GALNT16: variants seen among roughly 807,000 people sequenced by gnomAD.
GALNT16 encodes UDP-GalNAc:polypeptide N-acetylgalactosaminyltransferase-like protein 1.
A neutral mutation model predicts 76.1 loss-of-function variants in GALNT16; 40 were observed. The observed-to-expected ratio is 0.53, with a 90% CI of 0.41 to 0.68. GALNT16 has a LOEUF of 0.68. Ranked by LOEUF, GALNT16 falls within the 30% of genes least tolerant of loss-of-function variation. The probability of loss-of-function intolerance (pLI) is 0.00; values close to 1 mark genes in which losing one functional copy is unlikely to be tolerated. For missense variants in GALNT16, 621 were observed against 731.9 expected (o/e 0.85, Z 1.75); for synonymous variants, 276 against 285.2 (o/e 0.97, Z 0.32).
intron 6 of GALNT16, 27 bp downstream of exon 6, chr14:69,328,598 G>A (rs1240434584): frequency 1.2e-6 from 2 of 1,604,012 alleles, no homozygotes; most frequent in African/African-American, 2.7e-5. Context: ...GGGGAGCTGG[G>A]CGTCCTTGGG....
In GALNT16 at chr14:69,352,046, G is replaced by A. The variant is rs1375470856; in HGVS notation, c.1555G>A (p.Gly519Arg). The A allele has an allele frequency of 2.9e-5, 47 of 1,612,884 alleles. No homozygotes were observed. The highest frequency in any genetic ancestry group is 3.8e-5 in the Non-Finnish European group (45 of 1,179,320). The change falls in exon 15 of 15, where the codon GGA becomes AGA. Residue 519 changes from glycine (G) to arginine (R), a missense_variant. Gly to Arg is a moderately radical substitution (Grantham distance 125). Transcript: ENST00000448469. ...REGKQKWRRK[G>R]SFIQHSVSGL... ...TTCCTCCTAGAAATGGAGGAGAAAA[G>A]GATCTTTCATCCAGCATTCAGTCAG...
intron 1 of GALNT16, among the ~76,000 whole-genome samples, chr14:69,283,699 C>T (rs965955114): frequency 6.6e-6 from 1 of 152,188 alleles, no homozygotes; most frequent in African/African-American, 2.4e-5. Context: ...CTCATACCTA[C>T]ATCACAGGGT....
intron 1 of GALNT16, among the ~76,000 whole-genome samples, chr14:69,281,787 T>A (rs573064251): frequency 5.9e-5 from 9 of 152,264 alleles, no homozygotes; most frequent in African/African-American, 2.2e-4. Flanking sequence ...CAAGCCTGTA[T>A]TGAAGAACCC....
chr14:69,384,137 C>G, the GALNT16 span, among the ~76,000 whole-genome samples: 1 of 152,126 alleles, frequency 6.6e-6, no homozygotes. Flanking sequence ...TTAAATCTCC[C>G]TTGAAATTTA....
chr14:69,291,692 A>G, intron 1 of GALNT16, among the ~76,000 whole-genome samples: 1 of 152,234 alleles, frequency 6.6e-6, no homozygotes, highest in East Asian at 1.9e-4. Context: ...GCTCAAGGTC[A>G]TGTGGAACAG....
downstream of GALNT16, chr14:69,356,936 T>A (rs914681465): frequency 6.6e-6 from 1 of 152,188 alleles, no homozygotes. Flanking sequence ...CGTAAAGGAT[T>A]TTTTTGTGAA....
chr14:69,284,323 C>T lies in GALNT16; in HGVS notation c.177+23856C>T, dbSNP rs117844923. 8.0e-4 allele frequency among the ~76,000 whole-genome samples: 122 copies of T among 152,336 alleles called. 1 individual carries two copies. The East Asian group carries it at 0.022, about 27-fold the overall frequency. On this transcript the variant is annotated intron_variant, in intron 1 of 14. Transcript: ENST00000448469. ...AGCAAGGAGAGAGAGATCAATGCAC[C>T]TGTCTCAGGAGCTGCACACAGATAG...
At chr14:69,375,400 A>G in the GALNT16 span, among the ~76,000 whole-genome samples, 5 of 152,206 alleles carry the variant, frequency 3.3e-5, no homozygotes, top group Non-Finnish European at 5.9e-5. Context: ...TAATGAAATT[A>G]TTAATGACTG....
At chr14:69,351,982 A>T (rs1315190146) in intron 14 of GALNT16, 49 bp from the exon 15 acceptor site, 1 of 1,533,862 alleles carries the variant, frequency 6.5e-7, no homozygotes, top group African/African-American at 1.4e-5. Flanking sequence ...TTATTTTTTT[A>T]AATCATTGTT....
rs8016546 is a variant in GALNT16, at chr14:69,353,697, G to A, written c.*1529G>A. 0.12 allele frequency: 18,842 copies of A among 152,140 alleles called. 1,382 individuals are homozygous for A. The highest frequency in any genetic ancestry group is 0.26 in the Middle Eastern group (76 of 294). The allele number at this position is 152,140 out of a possible 1,614,324, so 9.4% of individuals were successfully genotyped here. On this transcript the variant is annotated 3_prime_UTR_variant, in exon 15 of 15. Coordinates refer to ENST00000448469, the MANE Select transcript of GALNT16 (RefSeq NM_001168368.2). ...CTCTTGAAATTGTCCCTAAAATACT[G>A]CATGTGTGTGCATACATGCATTTTC... is the stretch of plus-strand genomic sequence containing the variant.
chr14:69,308,533 T>G (rs2044972214), intron 1 of GALNT16, among the ~76,000 whole-genome samples: 1 of 152,262 alleles, frequency 6.6e-6, no homozygotes. Flanking sequence ...TAAAGTATAC[T>G]TTAATTAATC....
intron 7 of GALNT16, among the ~76,000 whole-genome samples, chr14:69,332,333 C>A (rs1358176866): frequency 6.6e-6 from 1 of 151,892 alleles, no homozygotes; most frequent in Admixed American, 6.6e-5. Flanking sequence ...ATAATAGTCA[C>A]CTTTGGTTAC....
Position 69,320,705 on chromosome 14 carries a change from T to C in GALNT16, c.178-6T>C. Reference sequence around the variant, plus strand: ...TGGTCCTCTCTGATGCTGACCTTCATCTCAGGTGACAGGAACTCCCTCGAA... The same window carrying C: ...TGGTCCTCTCTGATGCTGACCTTCACCTCAGGTGACAGGAACTCCCTCGAA... On this transcript the variant is annotated splice_polypyrimidine_tract_variant and splice_region_variant and intron_variant, in intron 1 of 14. Transcript: ENST00000448469. 1 of 1,613,180 alleles carries C rather than the reference T, an allele frequency of 6.2e-7. No homozygotes were observed. The highest frequency in any genetic ancestry group is 8.5e-7 in the Non-Finnish European group (1 of 1,179,482).
At chr14:69,325,225 G>A (rs1232581991) in intron 3 of GALNT16, 112 bp from the exon 4 acceptor site, 2 of 754,518 alleles carry the variant, frequency 2.7e-6, no homozygotes, top group Non-Finnish European at 4.9e-6. Flanking sequence ...GGAGCGCCCA[G>A]CATGCTGGCC....
chr14:69,293,776 T>C (rs953700405), intron 1 of GALNT16, among the ~76,000 whole-genome samples: 1 of 152,184 alleles, frequency 6.6e-6, no homozygotes, highest in African/African-American at 2.4e-5. Flanking sequence ...TGCCTGGCTT[T>C]ATAGTAAGCA....
At chr14:69,340,570 C>T (rs2045473511) in intron 11 of GALNT16, among the ~76,000 whole-genome samples, 1 of 151,898 alleles carries the variant, frequency 6.6e-6, no homozygotes, top group Non-Finnish European at 1.5e-5. Context: ...CTGCAACCTC[C>T]ATCTCCTGGG....
At chr14:69,327,659 C>T (rs1231728305) in intron 5 of GALNT16, among the ~76,000 whole-genome samples, 1 of 152,204 alleles carries the variant, frequency 6.6e-6, no homozygotes, top group Non-Finnish European at 1.5e-5. Flanking sequence ...AGGGAAATGT[C>T]TCCAAGGAGC....
At chr14:69,385,938 C>T in the GALNT16 span, among the ~76,000 whole-genome samples, 1 of 152,232 alleles carries the variant, frequency 6.6e-6, no homozygotes, top group Non-Finnish European at 1.5e-5. Flanking sequence ...CATTCCTCTG[C>T]AGCCTCAAAG....
At chr14:69,335,294 C>G (rs2045402570) in intron 9 of GALNT16, among the ~76,000 whole-genome samples, 1 of 152,192 alleles carries the variant, frequency 6.6e-6, no homozygotes, top group Admixed American at 6.5e-5. Context: ...AGCTTTGTAA[C>G]TTGCTTTTGG....
Sources: allele counts gnomAD v4.1 joint callset (sites outside exome capture counted in the v4.1 genomes callset), GRCh38; gene constraint gnomAD v4.1.1; transcripts MANE v1.5; gene names NCBI Gene and HGNC (gene_info 2026-07-23, HGNC 2026-07-21).